SNX16: variants seen among roughly 807,000 people sequenced by gnomAD.
SNX16 encodes the protein sorting nexin-16.
A neutral mutation model predicts 36.7 loss-of-function variants in SNX16; 35 were observed. The observed-to-expected ratio is 0.95, with a 90% CI of 0.73 to 1.27. SNX16 has a LOEUF of 1.27. SNX16 is among the 50% of genes most tolerant of loss of function. SNX16 has a pLI of 0.00. For missense variants in SNX16, 367 were observed against 393.6 expected (o/e 0.93, Z 0.57); for synonymous variants, 134 against 132.0 (o/e 1.02, Z -0.10).
At chr8:81,828,324 A>G (rs537832229) in intron 3 of SNX16, among the ~76,000 whole-genome samples, 1 of 152,308 alleles carries the variant, frequency 6.6e-6, no homozygotes, top group African/African-American at 2.4e-5. Context: ...TATCATTTAA[A>G]TATCTGTCAG....
intron 1 of SNX16, among the ~76,000 whole-genome samples, chr8:81,841,276 G>GC (rs1361470227): frequency 6.6e-6 from 1 of 150,982 alleles, no homozygotes; most frequent in Non-Finnish European, 1.5e-5. Context: ...GGGAGGCGGA[G>GC]GTTGCAGTTT....
intron 1 of SNX16, chr8:81,840,589 T>G (rs995482686): frequency 6.6e-6 from 1 of 152,306 alleles, no homozygotes; most frequent in African/African-American, 2.4e-5. Flanking sequence ...GTAGTAACAA[T>G]GAACCAGATG....
intron 5 of SNX16, among the ~76,000 whole-genome samples, chr8:81,810,910 A>G (rs977976353): frequency 6.6e-6 from 1 of 152,098 alleles, no homozygotes; most frequent in Non-Finnish European, 1.5e-5. Flanking sequence ...ATCAGCTTCC[A>G]CTCTTCCCCT....
intron 2 of SNX16, among the ~76,000 whole-genome samples, chr8:81,834,346 G>A (rs890416944): frequency 6.6e-6 from 1 of 152,010 alleles, no homozygotes; most frequent in Non-Finnish European, 1.5e-5. Flanking sequence ...ATTTGGGTGG[G>A]GACACATTCA....
At chr8:81,807,909 G>A (rs1810040888) in intron 5 of SNX16, 3 of 768,260 alleles carry the variant, frequency 3.9e-6, no homozygotes, top group Admixed American at 1.7e-5. Flanking sequence ...GTGCGGTAAT[G>A]AGAAATCCAA....
chr8:81,801,392 C>A lies in SNX16; in HGVS notation c.*105G>T. ...TAAACTTTATACATGTGCATTCTTG[C>A]TCTTTTCTATATGTTTTACAGTTCT... is the stretch of plus-strand genomic sequence containing the variant. On this transcript the variant is annotated 3_prime_UTR_variant, in exon 8 of 8. Transcript: ENST00000345957. The A allele has an allele frequency of 1.7e-6, 1 of 588,462 alleles. No homozygotes were observed. 36.5% of individuals were successfully genotyped at this position (588,462 alleles called of 1,614,324 possible).
At chr8:81,803,787 T>TA (rs1261654149) in intron 5 of SNX16, among the ~76,000 whole-genome samples, 9 of 151,364 alleles carry the variant, frequency 5.9e-5, no homozygotes, top group Middle Eastern at 3.4e-3. Context: ...GCAAAGACCC[T>TA]AAAGAGCCTA....
At chr8:81,834,735 T>C (rs1446183862) in intron 2 of SNX16, among the ~76,000 whole-genome samples, 1 of 152,200 alleles carries the variant, frequency 6.6e-6, no homozygotes, top group Admixed American at 6.5e-5. Flanking sequence ...GTCCTGCTCA[T>C]GCAAGAGGTG....
At chr8:81,824,699 C>T (rs569639568) in intron 3 of SNX16, among the ~76,000 whole-genome samples, 1 of 152,256 alleles carries the variant, frequency 6.6e-6, no homozygotes, top group South Asian at 2.1e-4. Flanking sequence ...TAAGTGAAGT[C>T]TTCCCTTTTA....
At position 81,801,398 on chromosome 8, in the gene SNX16, T is replaced by G; in HGVS notation, c.*99A>C. On this transcript the variant is annotated 3_prime_UTR_variant, in exon 8 of 8. Transcript: ENST00000345957. The stretch of plus-strand genomic sequence containing the variant: ...TTATACATGTGCATTCTTGCTCTTT[T>G]CTATATGTTTTACAGTTCTTGGTTC... 1.6e-6 allele frequency: 1 copy of G among 641,318 alleles called. No homozygotes were observed. The allele number at this position is 641,318 out of a possible 1,614,324, so 39.7% of individuals were successfully genotyped here.
At chr8:81,830,263 A>C (rs1811192642) in intron 2 of SNX16, among the ~76,000 whole-genome samples, 1 of 152,146 alleles carries the variant, frequency 6.6e-6, no homozygotes, top group Admixed American at 6.5e-5. Flanking sequence ...GGAGAACTAC[A>C]AAACACTGCT....
At chr8:81,820,070 T>C (rs1462287030) in intron 4 of SNX16, among the ~76,000 whole-genome samples, 1 of 152,102 alleles carries the variant, frequency 6.6e-6, no homozygotes, top group East Asian at 1.9e-4. Context: ...ACTAAGCTTT[T>C]TCTATGTTGC....
chr8:81,807,910 A>C (rs889423374), intron 5 of SNX16: 1 of 768,398 alleles, frequency 1.3e-6, no homozygotes, highest in Non-Finnish European at 2.4e-6. Flanking sequence ...TGCGGTAATG[A>C]GAAATCCAAA....
At chr8:81,811,144 A>G (rs766927437) in intron 5 of SNX16, among the ~76,000 whole-genome samples, 13 of 152,224 alleles carry the variant, frequency 8.5e-5, no homozygotes, top group Non-Finnish European at 1.9e-4. Flanking sequence ...TCTTTAGCCC[A>G]ATGTTCACTT....
In SNX16 at chr8:81,802,419, G is replaced by A. The variant is rs758680028; in HGVS notation, c.899C>T (p.Ala300Val). Residue 300 changes from alanine to valine, a missense_variant, in exon 7 of 8, where the codon GCA becomes GTA. By Grantham distance (64) the Ala-to-Val change is moderately conservative. Transcript: ENST00000345957. ...GEQILKVESS[A>V]LEVDQDVLDE... The stretch of plus-strand genomic sequence containing the variant: ...CAGGACATCTTGATCAACCTCAAGT[G>A]CAGAGGACTCCACCTTTAGGATCTG... 3.1e-6 allele frequency: 5 copies of A among 1,609,836 alleles called. No individual in the cohort carries two copies. The highest frequency in any genetic ancestry group is 8.5e-7 in the Non-Finnish European group (1 of 1,177,342).
chr8:81,807,873 T>C (rs1255937250), intron 5 of SNX16: 3 of 763,226 alleles, frequency 3.9e-6, no homozygotes, highest in Admixed American at 1.7e-5. Flanking sequence ...GGAGCCATTT[T>C]GAGCAATGGG....
intron 2 of SNX16, among the ~76,000 whole-genome samples, chr8:81,829,959 G>A (rs1175690914): frequency 1.3e-5 from 2 of 152,014 alleles, no homozygotes; most frequent in Non-Finnish European, 2.9e-5. Flanking sequence ...CCTAGCCAAA[G>A]CAATCAGGCA....
At chr8:81,824,979 C>T (rs1216186931) in intron 3 of SNX16, among the ~76,000 whole-genome samples, 1 of 152,134 alleles carries the variant, frequency 6.6e-6, no homozygotes, top group African/African-American at 2.4e-5. Context: ...AGGTTGTCAG[C>T]CATAAGCCTA....
intron 5 of SNX16, among the ~76,000 whole-genome samples, chr8:81,806,164 G>A (rs922017637): frequency 2.0e-5 from 3 of 152,092 alleles, no homozygotes; most frequent in African/African-American, 7.2e-5. Context: ...TATTCAAATG[G>A]TTCTGGATAA....
Sources: gnomAD v4.1 joint callset for allele counts (sites outside exome capture counted in the v4.1 genomes callset) on GRCh38, gnomAD v4.1.1 for gene constraint, MANE v1.5 for transcripts, NCBI Gene and HGNC (gene_info 2026-07-23, HGNC 2026-07-21) for gene names.